The following CTNNA3 variants were observed in gnomAD, a reference collection of about 807,000 sequenced individuals.
The protein encoded by CTNNA3 is catenin alpha 3, also known as catenin alpha-3.
Under a neutral mutation model 95.7 loss-of-function variants are expected in CTNNA3, and 76 were observed. That is an observed-to-expected ratio of 0.79 (90% confidence interval 0.66 to 0.96). CTNNA3 has a LOEUF of 0.96. Among genes scored for constraint, CTNNA3 ranks in the 40% least tolerant of loss-of-function variants. The pLI, the probability that CTNNA3 is intolerant of heterozygous loss-of-function variation, is 0.00. For synonymous variants in CTNNA3, 431 were observed against 374.4 expected (o/e 1.15, Z -1.74); for missense variants, 1,191 against 1,089.8 (o/e 1.09, Z -1.31).
chr10:67,153,918 T>G (rs1861188659), intron 7 of CTNNA3, among the ~76,000 whole-genome samples: 1 of 152,090 alleles, frequency 6.6e-6, no homozygotes, highest in Admixed American at 6.5e-5. Context: ...GTAAAAGTAT[T>G]CAAGGAACAA....
intron 1 of CTNNA3, among the ~76,000 whole-genome samples, chr10:67,740,575 C>A (rs1445074030): frequency 1.3e-5 from 2 of 151,436 alleles, no homozygotes; most frequent in Non-Finnish European, 3.0e-5. Context: ...CCATCACTGG[C>A]CATCACAGAA....
intron 7 of CTNNA3, among the ~76,000 whole-genome samples, chr10:66,890,531 C>A (rs1845227373): frequency 6.6e-6 from 1 of 151,924 alleles, no homozygotes; most frequent in East Asian, 1.9e-4. Flanking sequence ...TAAGGCAAAG[C>A]AGGACAGTAG....
chr10:66,060,178 T>G (rs2080166143), intron 15 of CTNNA3, among the ~76,000 whole-genome samples: 1 of 152,156 alleles, frequency 6.6e-6, no homozygotes, highest in Non-Finnish European at 1.5e-5. Context: ...TCTCAAGTGT[T>G]ATGAAAGTCA....
chr10:67,528,508 T>C (rs1840217156), intron 4 of CTNNA3, among the ~76,000 whole-genome samples: 1 of 152,144 alleles, frequency 6.6e-6, no homozygotes, highest in African/African-American at 2.4e-5. Context: ...TCAGCATACA[T>C]CCTCTTCTGC....
chr10:66,535,211 A>G (rs925353963), intron 10 of CTNNA3, among the ~76,000 whole-genome samples: 19 of 152,208 alleles, frequency 1.2e-4, no homozygotes, highest in Non-Finnish European at 2.4e-4. Context: ...TTGATAGACA[A>G]AAATTACCCA....
intron 10 of CTNNA3, among the ~76,000 whole-genome samples, chr10:66,597,314 G>GC (rs1843743136): frequency 6.6e-6 from 1 of 151,104 alleles, no homozygotes; most frequent in Non-Finnish European, 1.5e-5. Context: ...GATCTATGAA[G>GC]CCCAAAGGAT....
chr10:66,342,145 T>C (rs1564882197), intron 12 of CTNNA3, among the ~76,000 whole-genome samples: 2 of 151,946 alleles, frequency 1.3e-5, no homozygotes, highest in Non-Finnish European at 2.9e-5. Flanking sequence ...TCTTAGAAAA[T>C]TACACTTCTT....
intron 3 of CTNNA3, among the ~76,000 whole-genome samples, chr10:67,555,716 T>TTCC (rs1269815849): frequency 6.6e-6 from 1 of 152,202 alleles, no homozygotes; most frequent in Non-Finnish European, 1.5e-5. Context: ...ACAATTTGAC[T>TTCC]TCCTCTTTTC....
At chr10:66,926,062 C>T (rs552783165) in intron 7 of CTNNA3, 1 of 457,290 alleles carries the variant, frequency 2.2e-6, no homozygotes, top group Non-Finnish European at 4.4e-6. Context: ...TTCAGAATGA[C>T]AGTCTGCAGA....
intron 7 of CTNNA3, among the ~76,000 whole-genome samples, chr10:66,782,256 G>A (rs1376466783): frequency 6.6e-6 from 1 of 152,036 alleles, no homozygotes; most frequent in Non-Finnish European, 1.5e-5. Flanking sequence ...CAAATAGGAA[G>A]GGTTCAAGAA....
intron 12 of CTNNA3, among the ~76,000 whole-genome samples, chr10:66,286,378 A>T (rs1024232791): frequency 3.3e-5 from 5 of 152,014 alleles, no homozygotes; most frequent in Admixed American, 1.3e-4. Flanking sequence ...TTGATTTTTT[A>T]AAAAATCTAC....
chr10:66,610,250 G>A (rs2132283180), intron 10 of CTNNA3, among the ~76,000 whole-genome samples: 1 of 106,158 alleles, frequency 9.4e-6, no homozygotes, highest in South Asian at 3.9e-4. Flanking sequence ...CCATGGGGGG[G>A]CTATGTTCCT....
chr10:66,654,605 A>G (rs1000727390), intron 9 of CTNNA3, among the ~76,000 whole-genome samples: 1 of 152,084 alleles, frequency 6.6e-6, no homozygotes, highest in African/African-American at 2.4e-5. Context: ...ACTTCTGGAT[A>G]TATGTCCAAA....
chr10:65,965,599 T>A (rs1035460597), intron 17 of CTNNA3, among the ~76,000 whole-genome samples: 1 of 151,954 alleles, frequency 6.6e-6, no homozygotes, highest in Non-Finnish European at 1.5e-5. Flanking sequence ...GAGACAGGGT[T>A]TCACCATGTT....
At chr10:67,406,201 G>A (rs1374067841) in intron 5 of CTNNA3, among the ~76,000 whole-genome samples, 1 of 152,140 alleles carries the variant, frequency 6.6e-6, no homozygotes, top group Non-Finnish European at 1.5e-5. Flanking sequence ...CAGCCATGTG[G>A]AACTGTGAGT....
At position 66,726,397 on chromosome 10, in the gene CTNNA3, C is replaced by T. The variant is rs189482763; in HGVS notation, c.1281+39867G>A. Among the ~76,000 whole-genome samples, 185 of 152,144 alleles carry T rather than the reference C, an allele frequency of 1.2e-3. 2 individuals are homozygous for T. Among genetic ancestry groups the T allele is most frequent in the African/African-American group, 4.4e-3 (181 of 41,546 alleles). On this transcript the variant is annotated intron_variant, in intron 9 of 17. Transcript: ENST00000433211. Reference sequence around the variant, plus strand: ...ATGCCAATCTTAACAGAAATGAATGCTACAACGTGGTTTGCTAAGCTAATT... The same window carrying T: ...ATGCCAATCTTAACAGAAATGAATGTTACAACGTGGTTTGCTAAGCTAATT...
intron 3 of CTNNA3, among the ~76,000 whole-genome samples, chr10:67,583,811 A>G (rs1842511820): frequency 6.6e-6 from 1 of 151,918 alleles, no homozygotes; most frequent in Non-Finnish European, 1.5e-5. Context: ...AATTCATTTG[A>G]TCTTCAATCG....
chr10:67,240,842 G>A (rs1209702130), intron 5 of CTNNA3, among the ~76,000 whole-genome samples: 3 of 152,144 alleles, frequency 2.0e-5, no homozygotes, highest in African/African-American at 4.8e-5. Context: ...GGGGGTGTGT[G>A]TGCACATGTG....
intron 13 of CTNNA3, among the ~76,000 whole-genome samples, chr10:66,109,137 C>G (rs954215015): frequency 5.9e-5 from 9 of 152,150 alleles, no homozygotes; most frequent in African/African-American, 2.2e-4. Flanking sequence ...TGTTTCAAAT[C>G]TTACCATAGC....
Sources: allele counts gnomAD v4.1 joint callset (sites outside exome capture counted in the v4.1 genomes callset), GRCh38; gene constraint gnomAD v4.1.1; transcripts MANE v1.5; gene names NCBI Gene and HGNC (gene_info 2026-07-23, HGNC 2026-07-21).